COL6A6: variants seen among roughly 807,000 people sequenced by gnomAD.
COL6A6 encodes the protein collagen alpha-6(VI) chain.
Under a neutral mutation model 208.6 loss-of-function variants are expected in COL6A6, and 183 were observed. The observed-to-expected ratio is 0.88, with a 90% confidence interval of 0.78 to 0.99. The LOEUF (loss-of-function observed/expected upper bound fraction) is 0.99, where lower values mean the gene tolerates loss of function less well. COL6A6 is among the 50% of genes least tolerant of loss of function. The pLI, the probability that COL6A6 is intolerant of heterozygous loss-of-function variation, is 0.00. For missense variants in COL6A6, 2,816 were observed against 2,815.2 expected (o/e 1.00, Z -0.01); for synonymous variants, 973 against 1,011.8 (o/e 0.96, Z 0.73).
At position 130,676,541 on chromosome 3, in the gene COL6A6, T is replaced by TAAC. The variant is rs1376652624; in HGVS notation, c.*1144_*1145insAAC. ...GCTCCACAGTTGGTAGCAATGGCCCTGTTAGGCAGACTGTCCCCCTCTTTG... is the reference window on the plus strand; with the variant it reads ...GCTCCACAGTTGGTAGCAATGGCCCTAACGTTAGGCAGACTGTCCCCCTCTTTG... On this transcript the variant is annotated 3_prime_UTR_variant, in exon 37 of 37. Transcript: ENST00000358511. 3.9e-5 allele frequency: 6 copies of TAAC among 152,248 alleles called. No individual in the cohort carries two copies. The highest frequency in any genetic ancestry group is 1.4e-4 in the African/African-American group (6 of 41,460). The allele number at this position is 152,248 out of a possible 1,614,324, so 9.4% of individuals were successfully genotyped here. A position where few individuals can be genotyped will look rare whatever the true frequency, so the allele number is the denominator to read the frequency against.
chr3:130,650,974 C>A (rs1278864358), intron 33 of COL6A6, among the ~76,000 whole-genome samples: 1 of 152,110 alleles, frequency 6.6e-6, no homozygotes, highest in Non-Finnish European at 1.5e-5. Context: ...TTCCACTGTT[C>A]TAAATTTTCT....
intron 31 of COL6A6, among the ~76,000 whole-genome samples, chr3:130,643,663 C>A (rs1255595029): frequency 1.3e-5 from 2 of 151,860 alleles, no homozygotes; most frequent in Admixed American, 1.3e-4. Flanking sequence ...TTGATACCAT[C>A]AAAAAAAATT....
At chr3:130,599,642 C>A in intron 19 of COL6A6, 115 bp from the exon 20 acceptor site, 1 of 956,138 alleles carries the variant, frequency 1.0e-6, no homozygotes, top group South Asian at 1.4e-5. Context: ...GGAAAGGTAA[C>A]TCTCTCATTG....
At chr3:130,561,632 T>C (rs993083231) in intron 2 of COL6A6, among the ~76,000 whole-genome samples, 1 of 123,568 alleles carries the variant, frequency 8.1e-6, no homozygotes, top group South Asian at 2.6e-4. Flanking sequence ...TAGTTGAATC[T>C]ACTTTTTTTT....
At chr3:130,527,867 AG>A (rs1346108615) in intron 1 of COL6A6, among the ~76,000 whole-genome samples, 5 of 142,822 alleles carry the variant, frequency 3.5e-5, no homozygotes, top group African/African-American at 1.0e-4. Context: ...TTTCCCATCA[AG>A]TTACTTCCAA....
intron 18 of COL6A6, among the ~76,000 whole-genome samples, chr3:130,596,541 A>G (rs1301388189): frequency 2.0e-5 from 3 of 152,222 alleles, no homozygotes; most frequent in Non-Finnish European, 4.4e-5. Flanking sequence ...TTGGGGATAA[A>G]TAAATAGAAC....
intron 4 of COL6A6, 56 bp downstream of exon 4, chr3:130,565,670 A>T: frequency 4.6e-6 from 7 of 1,513,946 alleles, no homozygotes; most frequent in Non-Finnish European, 6.2e-6. Flanking sequence ...TTCTCTTTCA[A>T]ATATTCTGTA....
chr3:130,656,555 CG>C (rs1420430897), intron 33 of COL6A6, among the ~76,000 whole-genome samples: 2 of 152,182 alleles, frequency 1.3e-5, no homozygotes, highest in African/African-American at 4.8e-5. Context: ...AGGCCACTGA[CG>C]GGCCAGAAAA....
rs117459894 is a variant in COL6A6 at position 130,557,781 on chromosome 3, C to T, written c.-31-2553C>T. 5.7e-3 allele frequency among the ~76,000 whole-genome samples: 869 copies of T among 152,246 alleles called. 9 individuals carry two copies. Among genetic ancestry groups the T allele is most frequent in the East Asian group, 0.034 (174 of 5,192 alleles). ...GAGCAGAAGTTTCTCTGAGACTCCGCGTTCTTAATAGCCCCAAGAGGTGTT... is the reference window on the plus strand; with the variant it reads ...GAGCAGAAGTTTCTCTGAGACTCCGTGTTCTTAATAGCCCCAAGAGGTGTT... On this transcript the variant is annotated intron_variant, in intron 1 of 36. Transcript: ENST00000358511.
intron 32 of COL6A6, among the ~76,000 whole-genome samples, chr3:130,648,356 GAGCA>G (rs2065521721): frequency 6.6e-6 from 1 of 152,182 alleles, no homozygotes; most frequent in African/African-American, 2.4e-5. Flanking sequence ...GACATTTATT[GAGCA>G]CCTACTATGT....
chr3:130,662,041 C>T lies in COL6A6; in HGVS notation c.6235C>T (p.Leu2079=). ...CAATGTATTTTTAAGTACACCCAAT[C>T]TGAGAAGAAACAAAGTCATATTTGT... ...LDNVFLSTPN[L]RRNKVIFVIS... is the part of the protein sequence containing the mutation. The change falls in exon 35 of 37, where the codon CTG becomes TTG. Residue 2079 remains leucine (L), a synonymous_variant. Transcript: ENST00000358511. The T allele has an allele frequency of 1.2e-6, 2 of 1,614,022 alleles. No individual in the cohort carries two copies. Among genetic ancestry groups the T allele is most frequent in the Non-Finnish European group, 1.7e-6 (2 of 1,179,892 alleles).
chr3:130,565,991 A>G (rs1006861360), intron 4 of COL6A6, among the ~76,000 whole-genome samples: 1 of 152,040 alleles, frequency 6.6e-6, no homozygotes, highest in East Asian at 1.9e-4. Context: ...CACCCAAATC[A>G]TCTTTCCTCA....
chr3:130,606,902 A>G (rs770633026), intron 20 of COL6A6, 29 bp from the exon 21 acceptor site: 1 of 1,590,370 alleles, frequency 6.3e-7, no homozygotes, highest in Admixed American at 1.8e-5. Context: ...TTTCTGAATT[A>G]ATGATATCCA....
chr3:130,592,043 A>C (rs1008885375), intron 13 of COL6A6, among the ~76,000 whole-genome samples: 4 of 152,198 alleles, frequency 2.6e-5, no homozygotes, highest in Non-Finnish European at 5.9e-5. Context: ...AGTAAGACTC[A>C]GGTTATTGGG....
chr3:130,568,899 G>T (rs182129150), intron 6 of COL6A6, among the ~76,000 whole-genome samples: 1 of 152,310 alleles, frequency 6.6e-6, no homozygotes, highest in Non-Finnish European at 1.5e-5. Flanking sequence ...TAAGTCAGGG[G>T]CTCTTTGGAA....
chr3:130,582,512 T>TG (rs902057330), intron 10 of COL6A6, among the ~76,000 whole-genome samples: 15 of 152,302 alleles, frequency 9.8e-5, no homozygotes, highest in African/African-American at 3.4e-4. Flanking sequence ...ACTCATGTTT[T>TG]GCAGCTTTCT....
intron 33 of COL6A6, among the ~76,000 whole-genome samples, chr3:130,652,896 G>C (rs1198901369): frequency 1.3e-5 from 2 of 152,214 alleles, no homozygotes; most frequent in Non-Finnish European, 2.9e-5. Flanking sequence ...AGTCCATCAT[G>C]AAATTTGGTA....
rs368052196 is a variant in COL6A6 at position 130,581,944 on chromosome 3, A to T, written c.3891+40A>T. 1.0e-5 allele frequency: 16 copies of T among 1,592,308 alleles called. No homozygotes were observed. The South Asian group carries it at 1.7e-4, about 17-fold the overall frequency. On this transcript the variant is annotated intron_variant, in intron 9 of 36. Coordinates refer to ENST00000358511, the MANE Select transcript of COL6A6 (RefSeq NM_001102608.3). Reference sequence around the variant, plus strand: ...TCTTATTTGTTGGTCTATGATTGCAATGAACCCTTTTTAATTCATTTTACT... The same window carrying T: ...TCTTATTTGTTGGTCTATGATTGCATTGAACCCTTTTTAATTCATTTTACT...
intron 33 of COL6A6, among the ~76,000 whole-genome samples, chr3:130,651,228 C>A (rs1387901081): frequency 6.6e-6 from 1 of 151,984 alleles, no homozygotes; most frequent in African/African-American, 2.4e-5. Flanking sequence ...GAGATTGAGA[C>A]TATCCTGGCC....
Sources: gnomAD v4.1 joint callset for allele counts (sites outside exome capture counted in the v4.1 genomes callset) on GRCh38, gnomAD v4.1.1 for gene constraint, MANE v1.5 for transcripts, NCBI Gene and HGNC (gene_info 2026-07-23, HGNC 2026-07-21) for gene names.